The following AVEN variants were observed in gnomAD, a reference collection of about 807,000 sequenced individuals.
The protein encoded by AVEN is apoptosis and caspase activation inhibitor.
In AVEN, 41 loss-of-function variants were observed where a neutral mutation model predicts 38.1. That is an observed-to-expected ratio of 1.08 (90% confidence interval 0.84 to 1.40). The LOEUF (loss-of-function observed/expected upper bound fraction) is 1.40, where lower values mean the gene tolerates loss of function less well. Ranked by LOEUF, AVEN falls within the 40% of genes most tolerant of loss-of-function variation. AVEN has a pLI of 0.00. For missense variants in AVEN, 605 were observed against 438.8 expected (o/e 1.38, Z -3.38); for synonymous variants, 206 against 171.8 (o/e 1.20, Z -1.56).
chr15:33,961,685 C>A (rs536444344), intron 2 of AVEN, among the ~76,000 whole-genome samples: 11 of 151,354 alleles, frequency 7.3e-5, no homozygotes, highest in Non-Finnish European at 1.6e-4. Flanking sequence ...TGGTGGCGGG[C>A]ACCTGTAGTC....
downstream of AVEN, chr15:33,865,340 T>TA (rs200704038): frequency 0.065 from 35,851 of 553,666 alleles, no homozygotes; most frequent in South Asian, 0.095. Context: ...ATGCCTCCCT[T>TA]AAAAAAAAAA....
intron 2 of AVEN, among the ~76,000 whole-genome samples, chr15:33,963,093 T>G (rs1466678262): frequency 1.3e-5 from 2 of 152,154 alleles, no homozygotes; most frequent in African/African-American, 4.8e-5. Context: ...CACTAAAATT[T>G]ATTGTGTAAA....
intron 2 of AVEN, among the ~76,000 whole-genome samples, chr15:33,978,444 A>T (rs1307846680): frequency 6.6e-6 from 1 of 152,146 alleles, no homozygotes. Flanking sequence ...TGGGAGGATC[A>T]CCTGAGGTCA....
chr15:34,007,933 T>G (rs1033594852), intron 1 of AVEN, among the ~76,000 whole-genome samples: 1 of 152,228 alleles, frequency 6.6e-6, no homozygotes, highest in Non-Finnish European at 1.5e-5. Flanking sequence ...ATCTTCTCCA[T>G]TCTTATGAGG....
chr15:33,876,649 T>A (rs1253408456), intron 2 of AVEN, among the ~76,000 whole-genome samples: 1 of 152,180 alleles, frequency 6.6e-6, no homozygotes, highest in African/African-American at 2.4e-5. Context: ...TACATGTGTA[T>A]ATGTGCATAC....
intron 2 of AVEN, among the ~76,000 whole-genome samples, chr15:33,920,336 C>A (rs1893346971): frequency 6.6e-6 from 1 of 152,210 alleles, no homozygotes; most frequent in African/African-American, 2.4e-5. Context: ...TTAAACAACT[C>A]ATTTCCCCAT....
intron 2 of AVEN, among the ~76,000 whole-genome samples, chr15:33,925,874 C>T (rs1006264485): frequency 6.6e-6 from 1 of 152,170 alleles, no homozygotes; most frequent in Non-Finnish European, 1.5e-5. Flanking sequence ...ACTGTTCTAA[C>T]ATGATTATTA....
At chr15:33,860,888 G>A (rs1255730521) in intron 11 of AVEN, among the ~76,000 whole-genome samples, 2 of 151,684 alleles carry the variant, frequency 1.3e-5, no homozygotes, top group Non-Finnish European at 2.9e-5. Context: ...AGCTAATCAG[G>A]AGCTAAGTGT....
chr15:33,868,353 C>G (rs1484165148), intron 4 of AVEN, among the ~76,000 whole-genome samples: 1 of 149,842 alleles, frequency 6.7e-6, no homozygotes, highest in Non-Finnish European at 1.5e-5. Flanking sequence ...GAAACCCTGT[C>G]TCTACTAAAC....
chr15:33,972,600 C>T (rs1329490826), intron 2 of AVEN: 3 of 152,104 alleles, frequency 2.0e-5, no homozygotes, highest in African/African-American at 7.2e-5. Context: ...CTCTGAAAGT[C>T]TTCAACAAAT....
chr15:33,870,720 T>C (rs1057092704), intron 4 of AVEN, among the ~76,000 whole-genome samples: 2 of 152,214 alleles, frequency 1.3e-5, no homozygotes, highest in African/African-American at 4.8e-5. Flanking sequence ...CCACTACATT[T>C]GATCCTTTAA....
chr15:33,997,622 A>G (rs1403870312), intron 2 of AVEN, among the ~76,000 whole-genome samples: 1 of 152,064 alleles, frequency 6.6e-6, no homozygotes, highest in Non-Finnish European at 1.5e-5. Context: ...GAAGGTCAAT[A>G]ATCCTTCTGC....
chr15:33,878,010 A>G (rs1399133227), intron 2 of AVEN, among the ~76,000 whole-genome samples: 6 of 152,150 alleles, frequency 3.9e-5, no homozygotes. Flanking sequence ...CATAATAGCA[A>G]TAACATACAA....
At position 33,973,922 on chromosome 15, in the gene AVEN, C is replaced by T. The variant is rs140856304; in HGVS notation, c.445+29110G>A. 8.8e-4 allele frequency among the ~76,000 whole-genome samples: 134 copies of T among 152,242 alleles called. 1 individual carries two copies. Among genetic ancestry groups the T allele is most frequent in the South Asian group, 8.5e-3 (41 of 4,826 alleles). ...GAAGAATAGTGATCCTAAAATATAC[C>T]TCAGCTGCATTTCACTGATAATAGG... is the stretch of plus-strand genomic sequence containing the variant. On this transcript the variant is annotated intron_variant, in intron 2 of 5. Transcript: ENST00000306730.
chr15:33,942,726 C>T (rs1433051293), intron 2 of AVEN, among the ~76,000 whole-genome samples: 1 of 152,204 alleles, frequency 6.6e-6, no homozygotes, highest in Non-Finnish European at 1.5e-5. Flanking sequence ...GCTGGGATTA[C>T]AGGCGTGAGC....
intron 2 of AVEN, among the ~76,000 whole-genome samples, chr15:33,926,725 G>C (rs1164284055): frequency 6.6e-6 from 1 of 152,130 alleles, no homozygotes; most frequent in Non-Finnish European, 1.5e-5. Context: ...CACAATCTCA[G>C]CTCACTGAAA....
intron 5 of AVEN, among the ~76,000 whole-genome samples, chr15:34,050,238 C>T (rs1345002842): frequency 6.6e-6 from 1 of 152,070 alleles, no homozygotes; most frequent in Admixed American, 6.6e-5. Context: ...AGATCCAGCC[C>T]AACTAAGCTT....
chr15:34,009,621 T>C (rs1379447596), intron 1 of AVEN, among the ~76,000 whole-genome samples: 1 of 152,078 alleles, frequency 6.6e-6, no homozygotes, highest in Non-Finnish European at 1.5e-5. Context: ...TCAGACAAAA[T>C]AGACTTTAAA....
chr15:33,996,555 G>A (rs60885608), intron 2 of AVEN, among the ~76,000 whole-genome samples: 5,569 of 152,274 alleles, frequency 0.037, 350 homozygotes, highest in African/African-American at 0.13. Flanking sequence ...GTGATACCCA[G>A]GCAAACAGGG....
Sources: allele counts gnomAD v4.1 joint callset (sites outside exome capture counted in the v4.1 genomes callset), GRCh38; gene constraint gnomAD v4.1.1; transcripts MANE v1.5; gene names NCBI Gene and HGNC (gene_info 2026-07-23, HGNC 2026-07-21).